SLC25A48: variants seen among roughly 807,000 people sequenced by gnomAD.
SLC25A48 encodes solute carrier family 25 member 48, also known as CTC-321K16.1.
Under a neutral mutation model 32.2 loss-of-function variants are expected in SLC25A48, and 29 were observed. The ratio of observed to expected loss-of-function variants is 0.90; its 90% CI spans 0.67 to 1.23. SLC25A48 has a LOEUF of 1.23. Among genes scored for constraint, SLC25A48 ranks in the 50% most tolerant of loss-of-function variants. The pLI is 0.00. For synonymous variants in SLC25A48, 164 were observed against 172.3 expected, an observed-to-expected ratio of 0.95 and a Z score of 0.38; for missense variants, 399 against 422.7, an observed-to-expected ratio of 0.94 and a Z score of 0.49.
At chr5:135,679,695 G>A (rs1431489138) in intron 3 of SLC25A48, among the ~76,000 whole-genome samples, 1 of 152,192 alleles carries the variant, frequency 6.6e-6, no homozygotes, top group East Asian at 1.9e-4. Context: ...TTCAGGCCAT[G>A]CACCTGGCTG....
In SLC25A48 at chr5:135,871,578, G is replaced by C. The variant is rs1053755870; in HGVS notation, c.539G>C (p.Gly180Ala). 6.8e-6 allele frequency: 11 copies of C among 1,614,082 alleles called. No individual in the cohort carries two copies. The African/African-American group carries it at 1.5e-4, about 22-fold the overall frequency. The stretch of plus-strand genomic sequence containing the variant: ...GAGGGCCTGGCGGGGCTATACCGGG[G>C]GGCCAGTGCCATGCTGCTGAGGGAT... ...RNEGLAGLYRGASAMLLRDVP... is the reference protein window; with the variant it reads ...RNEGLAGLYRAASAMLLRDVP... The change falls in exon 5 of 8, where the codon GGG becomes GCG. Residue 180 changes from glycine to alanine, a missense_variant. Physicochemically the swap from Gly to Ala is moderately conservative, Grantham distance 60. Transcript: ENST00000681962.
chr5:135,840,103 T>G (rs1758867679), intron 1 of SLC25A48, among the ~76,000 whole-genome samples: 1 of 152,240 alleles, frequency 6.6e-6, no homozygotes, highest in Admixed American at 6.5e-5. Context: ...ACAGGTCTTT[T>G]GAGTGTGTGT....
intron 3 of SLC25A48, among the ~76,000 whole-genome samples, chr5:135,667,603 C>T (rs1414566107): frequency 1.3e-5 from 2 of 152,170 alleles, no homozygotes; most frequent in South Asian, 2.1e-4. Flanking sequence ...AATTTGGCTT[C>T]GAGCTGAATC....
intron 3 of SLC25A48, among the ~76,000 whole-genome samples, chr5:135,694,424 A>G (rs1288769132): frequency 6.6e-6 from 1 of 152,124 alleles, no homozygotes; most frequent in East Asian, 1.9e-4. Context: ...TCCTTTATAT[A>G]TTTACATATT....
chr5:135,788,879 C>T (rs1384085921), intron 3 of SLC25A48, among the ~76,000 whole-genome samples: 1 of 150,820 alleles, frequency 6.6e-6, no homozygotes, highest in Non-Finnish European at 1.5e-5. Context: ...TATTACTCCC[C>T]ATGTGTCGGG....
At chr5:135,808,434 C>T (rs1321324657) in intron 3 of SLC25A48, among the ~76,000 whole-genome samples, 1 of 151,958 alleles carries the variant, frequency 6.6e-6, no homozygotes, top group African/African-American at 2.4e-5. Flanking sequence ...GTTGATGTTA[C>T]ACAAAAAAAC....
At chr5:135,692,826 A>G (rs1351652792) in intron 3 of SLC25A48, among the ~76,000 whole-genome samples, 2 of 152,362 alleles carry the variant, frequency 1.3e-5, no homozygotes, top group East Asian at 1.9e-4. Context: ...CTGCCACTCA[A>G]CTAAGAGATG....
intron 3 of SLC25A48, among the ~76,000 whole-genome samples, chr5:135,715,896 G>A (rs1754784574): frequency 6.6e-6 from 1 of 152,196 alleles, no homozygotes; most frequent in East Asian, 1.9e-4. Context: ...TGACATGCCT[G>A]TGCTGTGATG....
rs549714979 is a variant in SLC25A48, at chr5:135,879,697, T to A, written c.814-271T>A. 5.3e-5 allele frequency among the ~76,000 whole-genome samples: 8 copies of A among 152,126 alleles called. No individual in the cohort carries two copies. The Middle Eastern group carries it at 0.014, about 259-fold the overall frequency. On this transcript the variant is annotated intron_variant, in intron 6 of 7. Coordinates refer to ENST00000681962, the MANE Select transcript of SLC25A48 (RefSeq NM_001349336.2). The stretch of plus-strand genomic sequence containing the variant: ...GAGAGAGGGCAATTTAAAAAGCATA[T>A]GTAGGTGTTTGCCTGGCCCAACAGC...
intron 3 of SLC25A48, among the ~76,000 whole-genome samples, chr5:135,805,052 A>G (rs181625584): frequency 1.3e-5 from 2 of 151,612 alleles, no homozygotes. Flanking sequence ...CTAGGAAGAT[A>G]TTACTCCTAA....
chr5:135,655,019 G>A (rs867051515), intron 3 of SLC25A48, among the ~76,000 whole-genome samples: 3 of 152,188 alleles, frequency 2.0e-5, no homozygotes, highest in South Asian at 2.1e-4. Flanking sequence ...GGGCAGAGGC[G>A]GAAGCTGGGG....
chr5:135,739,609 T>C (rs1755454416), intron 3 of SLC25A48, among the ~76,000 whole-genome samples: 1 of 152,090 alleles, frequency 6.6e-6, no homozygotes, highest in African/African-American at 2.4e-5. Context: ...CAGAAAAGGG[T>C]CAGGGTGTGT....
chr5:135,832,981 G>A (rs1321976424), upstream of SLC25A48, among the ~76,000 whole-genome samples: 1 of 152,222 alleles, frequency 6.6e-6, no homozygotes, highest in African/African-American at 2.4e-5. Flanking sequence ...ACTGCAAATG[G>A]TGCTCTGAAG....
At chr5:135,621,283 A>G (rs1444631293) in intron 1 of SLC25A48, among the ~76,000 whole-genome samples, 1 of 152,214 alleles carries the variant, frequency 6.6e-6, no homozygotes, top group Non-Finnish European at 1.5e-5. Context: ...CTAGAGCAGT[A>G]CCTGCTACAT....
rs33918902 is a variant in SLC25A48, at chr5:135,728,841, TACACACACAC to T, written c.-520-83648_-520-83639del. The stretch of plus-strand genomic sequence containing the variant: ...AATTTCCCCTGAACACATACACAAA[TACACACACAC>T]ACACACACACACACACACACACACA... On this transcript the variant is annotated intron_variant, in intron 3 of 10. Coordinates refer to the SLC25A48 transcript ENST00000646290. 4.7e-3 allele frequency among the ~76,000 whole-genome samples: 662 copies of T among 141,658 alleles called. 7 individuals are homozygous for T. Among genetic ancestry groups the T allele is most frequent in the African/African-American group, 0.017 (616 of 36,630 alleles). 92.9% of individuals were successfully genotyped at this position (141,658 alleles called of 152,430 possible).
chr5:135,769,295 G>A (rs528623414), intron 3 of SLC25A48, among the ~76,000 whole-genome samples: 1 of 151,388 alleles, frequency 6.6e-6, no homozygotes, highest in South Asian at 2.1e-4. Flanking sequence ...AGCATCACGG[G>A]TGGTGTACAT....
intron 3 of SLC25A48, among the ~76,000 whole-genome samples, chr5:135,811,166 G>A (rs892910370): frequency 1.3e-5 from 2 of 152,192 alleles, no homozygotes; most frequent in African/African-American, 2.4e-5. Flanking sequence ...AATGCAAGGA[G>A]CGGAAGGAGG....
At chr5:135,740,110 C>T (rs968231221) in intron 3 of SLC25A48, among the ~76,000 whole-genome samples, 7 of 152,084 alleles carry the variant, frequency 4.6e-5, no homozygotes, top group African/African-American at 1.2e-4. Flanking sequence ...AAATTTGACC[C>T]TCAAATGGAA....
intron 3 of SLC25A48, among the ~76,000 whole-genome samples, chr5:135,764,555 C>G (rs1327187123): frequency 6.6e-6 from 1 of 151,234 alleles, no homozygotes; most frequent in Non-Finnish European, 1.5e-5. Context: ...TTCGTAATAT[C>G]CAGGGAGAAA....
Sources: gnomAD v4.1 joint callset for allele counts (sites outside exome capture counted in the v4.1 genomes callset) on GRCh38, gnomAD v4.1.1 for gene constraint, MANE v1.5 for transcripts, NCBI Gene and HGNC (gene_info 2026-07-23, HGNC 2026-07-21) for gene names.